The following PCNX2 variants were observed in gnomAD, a reference collection of about 807,000 sequenced individuals.
PCNX2 encodes the protein pecanex-like protein 2.
Under a neutral mutation model 223.8 loss-of-function variants are expected in PCNX2, and 168 were observed. The observed-to-expected ratio is 0.75, with a 90% confidence interval of 0.66 to 0.85. The LOEUF is 0.85. PCNX2 is among the 40% of genes least tolerant of loss of function. The probability of loss-of-function intolerance (pLI) is 0.00; values close to 1 mark genes in which losing one functional copy is unlikely to be tolerated. For synonymous variants in PCNX2, 1,006 were observed against 1,052.6 expected, an observed-to-expected ratio of 0.96 and a Z score of 0.86; for missense variants, 2,507 against 2,675.5, an observed-to-expected ratio of 0.94 and a Z score of 1.39.
intron 21 of PCNX2, among the ~76,000 whole-genome samples, chr1:233,108,475 G>A (rs1294975459): frequency 6.6e-6 from 1 of 152,190 alleles, no homozygotes; most frequent in Non-Finnish European, 1.5e-5. Context: ...AAAGCCTTAG[G>A]GAGCCATAGA....
At chr1:233,076,160 C>T (rs918958862) in intron 23 of PCNX2, among the ~76,000 whole-genome samples, 2 of 152,146 alleles carry the variant, frequency 1.3e-5, no homozygotes, top group Admixed American at 6.5e-5. Flanking sequence ...TTTAAGGTTT[C>T]GACTTCTGGC....
intron 21 of PCNX2, among the ~76,000 whole-genome samples, chr1:233,125,508 C>T (rs1021440392): frequency 6.6e-6 from 1 of 152,148 alleles, no homozygotes; most frequent in Non-Finnish European, 1.5e-5. Context: ...ATGCAGTGGC[C>T]ACCAGCCACT....
the PCNX2 span, among the ~76,000 whole-genome samples, chr1:233,313,440 A>G: frequency 6.6e-6 from 1 of 152,344 alleles, no homozygotes; most frequent in South Asian, 2.1e-4. Context: ...GGAATAGAAG[A>G]AAACCTATGG....
intron 31 of PCNX2, 78 bp from the exon 32 acceptor site, chr1:232,998,516 C>T: frequency 1.3e-6 from 2 of 1,513,822 alleles, no homozygotes; most frequent in South Asian, 2.4e-5. Context: ...ATGGCCTTGC[C>T]TAAATCGGGA....
upstream of PCNX2, chr1:233,295,750 A>G (rs142723288): frequency 9.4e-3 from 3,246 of 344,182 alleles, 90 homozygotes; most frequent in African/African-American, 0.063. This position sits in a 1 kb window ranked among gnomAD's most constrained non-coding sequence, Gnocchi z 4.1. Context: ...TCGTGCTCAG[A>G]GGCGGCTGCT....
intron 21 of PCNX2, among the ~76,000 whole-genome samples, chr1:233,107,731 G>A (rs1370124423): frequency 4.6e-5 from 7 of 151,500 alleles, no homozygotes; most frequent in Admixed American, 2.6e-4. Context: ...ACAGAACTGA[G>A]TTGTAGAGCA....
chr1:233,032,648 T>A (rs185443140), intron 25 of PCNX2, among the ~76,000 whole-genome samples: 87 of 152,176 alleles, frequency 5.7e-4, no homozygotes, highest in Non-Finnish European at 1.1e-3. Flanking sequence ...GAGTCTGTGA[T>A]CTGTGTATCC....
chr1:233,068,048 A>C (rs1034502139), intron 23 of PCNX2, among the ~76,000 whole-genome samples: 15 of 152,100 alleles, frequency 9.9e-5, no homozygotes, highest in Admixed American at 9.2e-4. Flanking sequence ...TATAAACACA[A>C]AAAAAAGCTC....
intron 1 of PCNX2, 78 bp from the exon 2 acceptor site, chr1:233,263,241 G>A (rs886297244): frequency 8.0e-7 from 1 of 1,250,880 alleles, no homozygotes; most frequent in East Asian, 2.5e-5. Flanking sequence ...AGCATTTTTA[G>A]ACTATCTATT....
At chr1:232,992,282 C>T (rs765995075) in intron 32 of PCNX2, among the ~76,000 whole-genome samples, 17 of 152,212 alleles carry the variant, frequency 1.1e-4, no homozygotes, top group Admixed American at 5.2e-4. Context: ...GCTCCTGTCC[C>T]TCCCTGACCA....
chr1:233,195,320 C>T (rs1680663539), intron 15 of PCNX2, among the ~76,000 whole-genome samples: 1 of 152,052 alleles, frequency 6.6e-6, no homozygotes, highest in South Asian at 2.1e-4. Flanking sequence ...ATGACTCAGC[C>T]CAATAAAGGG....
At chr1:233,313,503 A>G in the PCNX2 span, among the ~76,000 whole-genome samples, 1 of 152,300 alleles carries the variant, frequency 6.6e-6, no homozygotes. Context: ...CTTAGAAACA[A>G]TAAAGGAACA....
chr1:233,271,539 T>A (rs1660635661), intron 1 of PCNX2, among the ~76,000 whole-genome samples: 1 of 152,230 alleles, frequency 6.6e-6, no homozygotes, highest in South Asian at 2.1e-4. Flanking sequence ...TCAAATTTAA[T>A]GAAGTATATT....
intron 19 of PCNX2, among the ~76,000 whole-genome samples, chr1:233,145,548 T>C (rs1476378511): frequency 1.3e-5 from 2 of 152,112 alleles, no homozygotes; most frequent in South Asian, 2.1e-4. Flanking sequence ...ACCCTGAGTC[T>C]TTTCTGCTTG....
intron 8 of PCNX2, among the ~76,000 whole-genome samples, chr1:233,249,033 G>A (rs1045020337): frequency 2.6e-5 from 4 of 152,154 alleles, no homozygotes; most frequent in Admixed American, 2.0e-4. Context: ...AGAAATTTAC[G>A]GGGAGAAAGC....
the PCNX2 span, among the ~76,000 whole-genome samples, chr1:233,324,138 A>G: frequency 6.6e-6 from 1 of 152,248 alleles, no homozygotes; most frequent in East Asian, 1.9e-4. Flanking sequence ...CTTCAATTCT[A>G]GAAAGGCTGA....
intron 26 of PCNX2, among the ~76,000 whole-genome samples, chr1:233,024,892 C>T (rs1349724450): frequency 1.3e-5 from 2 of 152,124 alleles, no homozygotes; most frequent in African/African-American, 2.4e-5. Context: ...GTAGAAGAGA[C>T]AAAGAAGACC....
At chr1:233,193,339 T>C (rs528926916) in intron 15 of PCNX2, among the ~76,000 whole-genome samples, 7 of 152,156 alleles carry the variant, frequency 4.6e-5, no homozygotes, top group East Asian at 1.9e-4. Context: ...GAATCAACAA[T>C]GTCATTAATC....
At chr1:233,223,177 A>G (rs1323016325) in intron 10 of PCNX2, among the ~76,000 whole-genome samples, 1 of 152,208 alleles carries the variant, frequency 6.6e-6, no homozygotes, top group African/African-American at 2.4e-5. Flanking sequence ...CTGGAAACCA[A>G]GAGAACCTCT....
Sources: allele counts gnomAD v4.1 joint callset (sites outside exome capture counted in the v4.1 genomes callset), GRCh38; gene constraint gnomAD v4.1.1; non-coding constraint Gnocchi (gnomAD v3.1); transcripts MANE v1.5; gene names NCBI Gene and HGNC (gene_info 2026-07-23, HGNC 2026-07-21).